Variants in GREB1L observed in about 807,000 individuals in gnomAD.
GREB1L encodes the protein GREB1 like retinoic acid receptor coactivator, also known as GREB1-like protein.
GREB1L carries 17 observed loss-of-function variants against 200.8 expected under a neutral mutation model. That is an observed-to-expected ratio of 0.08 (90% CI 0.06 to 0.13). GREB1L has a LOEUF of 0.13. GREB1L is among the 10% of genes least tolerant of loss of function. GREB1L has a pLI of 1.00. For missense variants in GREB1L, 1,657 were observed against 2,367.7 expected (o/e 0.70, Z 6.23); for synonymous variants, 789 against 893.0 (o/e 0.88, Z 2.08).
intron 7 of GREB1L, among the ~76,000 whole-genome samples, chr18:21,417,227 A>C (rs1454484829): frequency 6.6e-6 from 1 of 152,002 alleles, no homozygotes; most frequent in Non-Finnish European, 1.5e-5. Flanking sequence ...TATACCCAAT[A>C]AAAATATCTT....
At chr18:21,413,398 C>G (rs1159295260) in intron 7 of GREB1L, among the ~76,000 whole-genome samples, 1 of 152,212 alleles carries the variant, frequency 6.6e-6, no homozygotes. Context: ...TTACTTCCCC[C>G]TTCCCTCTCT....
Position 21,317,216 on chromosome 18 carries a change from A to G in GREB1L, c.-119-48811A>G, listed in dbSNP as rs559902978. On this transcript the variant is annotated intron_variant, in intron 1 of 32. Transcript: ENST00000424526. Reference sequence around the variant, plus strand: ...TAGTGAGACCTGTCTCTAAAAATCAATCAATGGATTAATCAATCAATTCAA... The same window carrying G: ...TAGTGAGACCTGTCTCTAAAAATCAGTCAATGGATTAATCAATCAATTCAA... Among the ~76,000 whole-genome samples the G allele has an allele frequency of 6.6e-5, 10 of 152,124 alleles. No individual in the cohort carries two copies. In the East Asian group the frequency reaches 1.9e-3, roughly 29 times the overall value.
At chr18:21,283,463 T>C (rs2144484264) in intron 1 of GREB1L, among the ~76,000 whole-genome samples, 1 of 152,340 alleles carries the variant, frequency 6.6e-6, no homozygotes, top group Non-Finnish European at 1.5e-5. Flanking sequence ...TGCCTGTTTA[T>C]CCTAAATAAT....
At chr18:21,343,136 A>T (rs986529931) in intron 1 of GREB1L, among the ~76,000 whole-genome samples, 12 of 151,934 alleles carry the variant, frequency 7.9e-5, no homozygotes, top group Non-Finnish European at 1.6e-4. Flanking sequence ...TTATCTGGAA[A>T]AAAAAAAAAG....
At chr18:21,251,760 C>T (rs1261981655) in intron 1 of GREB1L, among the ~76,000 whole-genome samples, 1 of 152,090 alleles carries the variant, frequency 6.6e-6, no homozygotes, top group Non-Finnish European at 1.5e-5. Context: ...GCCTGACCAA[C>T]ATGGTGAAAC....
chr18:21,518,377 T>G lies in GREB1L; in HGVS notation c.5472+143T>G, dbSNP rs1268385366. On this transcript the variant is annotated intron_variant, in intron 31 of 32. Transcript: ENST00000424526. Reference sequence around the variant, plus strand: ...CCTTTGCCAGAACTTTTATTAAAGATAGTAATACAGATCAAAACTTGTATT... The same window carrying G: ...CCTTTGCCAGAACTTTTATTAAAGAGAGTAATACAGATCAAAACTTGTATT... 5.3e-6 allele frequency: 4 copies of G among 761,482 alleles called. No homozygotes were observed. In the African/African-American group the frequency reaches 7.0e-5, roughly 13 times the overall value. 47.2% of individuals were successfully genotyped at this position (761,482 alleles called of 1,614,324 possible).
At chr18:21,327,248 A>G (rs2039036461) in intron 1 of GREB1L, among the ~76,000 whole-genome samples, 1 of 152,220 alleles carries the variant, frequency 6.6e-6, no homozygotes, top group African/African-American at 2.4e-5. Flanking sequence ...CAACTCACAC[A>G]CATACAAAGG....
chr18:21,319,347 A>T (rs2038917807), intron 1 of GREB1L, among the ~76,000 whole-genome samples: 1 of 152,262 alleles, frequency 6.6e-6, no homozygotes, highest in African/African-American at 2.4e-5. Context: ...AACCAATTGT[A>T]GATCCCAATC....
At chr18:21,492,722 G>A (rs139449351) in intron 19 of GREB1L, among the ~76,000 whole-genome samples, 3 of 152,300 alleles carry the variant, frequency 2.0e-5, no homozygotes, top group African/African-American at 7.2e-5. Context: ...CTCAAGTTAC[G>A]ACTTCTCAAG....
intron 15 of GREB1L, among the ~76,000 whole-genome samples, chr18:21,472,217 T>C (rs1189199522): frequency 1.3e-5 from 2 of 152,216 alleles, no homozygotes; most frequent in African/African-American, 4.8e-5. Context: ...GCATTTATAT[T>C]AAAAGAAAAG....
intron 15 of GREB1L, among the ~76,000 whole-genome samples, chr18:21,469,120 C>T (rs2035381465): frequency 6.6e-6 from 1 of 152,218 alleles, no homozygotes; most frequent in South Asian, 2.1e-4. Context: ...ATCAAACTTT[C>T]AACCACTAAT....
chr18:21,455,319 AACACACAC>A lies in GREB1L; in HGVS notation c.2182+773_2182+780del, dbSNP rs10581600. ...GCTTCTGATTACCTTAGCTGAGGAA[AACACACAC>A]ACACACACACACACACGCAGATTTT... On this transcript the variant is annotated intron_variant, in intron 15 of 32. Transcript: ENST00000424526. 2.1e-4 allele frequency among the ~76,000 whole-genome samples: 32 copies of A among 150,748 alleles called. No individual in the cohort carries two copies. The South Asian group carries it at 3.8e-3, about 18-fold the overall frequency.
intron 1 of GREB1L, among the ~76,000 whole-genome samples, chr18:21,365,254 T>G (rs1010925645): frequency 1.4e-4 from 22 of 152,284 alleles, no homozygotes; most frequent in African/African-American, 5.3e-4. Context: ...AAATCCTCTT[T>G]TGTTTTCTTT....
chr18:21,396,356 A>T (rs2041066020), intron 5 of GREB1L, among the ~76,000 whole-genome samples: 1 of 152,134 alleles, frequency 6.6e-6, no homozygotes, highest in African/African-American at 2.4e-5. Flanking sequence ...TTTCATTTTT[A>T]TTAATTCTCA....
Position 21,477,233 on chromosome 18 carries a change from A to G in GREB1L, c.2433A>G (p.Arg811=). The G allele has an allele frequency of 5.2e-6, 8 of 1,552,060 alleles. No homozygotes were observed. The highest frequency in any genetic ancestry group is 7.0e-6 in the Non-Finnish European group (8 of 1,147,044). Residue 811 remains arginine (R), a synonymous_variant, in exon 17 of 33, where the codon AGA becomes AGG. Coordinates refer to ENST00000424526, the MANE Select transcript of GREB1L (RefSeq NM_001142966.3). ...HGLADRVINC[R]EVLEAFNLLV... ...TAGCTGATAGAGTCATTAATTGCAG[A>G]GAAGTTCTGGAAGCTTTCAACCTCC...
At chr18:21,484,331 C>T (rs1158313639) in intron 17 of GREB1L, among the ~76,000 whole-genome samples, 2 of 145,134 alleles carry the variant, frequency 1.4e-5, no homozygotes, top group Non-Finnish European at 2.9e-5. Flanking sequence ...CCCGCCACCA[C>T]GCCTGGCTAA....
chr18:21,372,489 T>G (rs1391451589), intron 2 of GREB1L, among the ~76,000 whole-genome samples: 1 of 152,020 alleles, frequency 6.6e-6, no homozygotes, highest in Non-Finnish European at 1.5e-5. Flanking sequence ...GAGAGATTTT[T>G]TTTGCAATTT....
intron 1 of GREB1L, among the ~76,000 whole-genome samples, chr18:21,318,790 T>C (rs913072247): frequency 2.6e-5 from 4 of 151,994 alleles, no homozygotes; most frequent in Non-Finnish European, 5.9e-5. Context: ...ATATAAAACA[T>C]GCGTAACAGA....
intron 1 of GREB1L, among the ~76,000 whole-genome samples, chr18:21,278,397 T>TAAAAA (rs1347587699): frequency 1.7e-5 from 2 of 116,616 alleles, no homozygotes; most frequent in Non-Finnish European, 3.5e-5. Flanking sequence ...AAAAAATAAA[T>TAAAAA]AAATAAATAA....
Sources: gnomAD v4.1 joint callset for allele counts (sites outside exome capture counted in the v4.1 genomes callset) on GRCh38, gnomAD v4.1.1 for gene constraint, MANE v1.5 for transcripts, NCBI Gene and HGNC (gene_info 2026-07-23, HGNC 2026-07-21) for gene names.